FBXL17: variants seen among roughly 807,000 people sequenced by gnomAD.
FBXL17 encodes F-box/LRR-repeat protein 17.
FBXL17 carries 22 observed loss-of-function variants against 66.2 expected under a neutral mutation model. The observed-to-expected ratio is 0.33, with a 90% CI of 0.24 to 0.47. The LOEUF (loss-of-function observed/expected upper bound fraction) is 0.47, where lower values mean the gene tolerates loss of function less well. FBXL17 is among the 20% of genes least tolerant of loss of function. The pLI, the probability that FBXL17 is intolerant of heterozygous loss-of-function variation, is 1.00. For synonymous variants in FBXL17, 474 were observed against 400.5 expected (o/e 1.18, Z -2.19); for missense variants, 878 against 948.2 (o/e 0.93, Z 0.97).
At chr5:108,018,814 T>C (rs1374575474) in intron 7 of FBXL17, among the ~76,000 whole-genome samples, 1 of 152,144 alleles carries the variant, frequency 6.6e-6, no homozygotes, top group Non-Finnish European at 1.5e-5. Flanking sequence ...CAACTTTGCC[T>C]GACATTATCT....
At chr5:108,007,449 T>C (rs1321940043) in intron 7 of FBXL17, among the ~76,000 whole-genome samples, 2 of 152,172 alleles carry the variant, frequency 1.3e-5, no homozygotes, top group Non-Finnish European at 2.9e-5. Context: ...AGGTTGTAGA[T>C]TTAGATAGAA....
rs574019411 is a variant in FBXL17 at position 108,063,882 on chromosome 5, T to C, written c.1746-42881A>G. Among the ~76,000 whole-genome samples the C allele has an allele frequency of 3.9e-5, 6 of 152,322 alleles. 1 individual carries two copies. Among genetic ancestry groups the C allele is most frequent in the African/African-American group, 1.4e-4 (6 of 41,588 alleles). On this transcript the variant is annotated intron_variant, in intron 6 of 8. Transcript: ENST00000542267. ...AAAAAAATTTGCTTTGAATAAAATT[T>C]ATCATCTGCTGATGCATTATTTCTC... is the stretch of plus-strand genomic sequence containing the variant.
chr5:107,904,337 A>G (rs930424791), intron 7 of FBXL17, among the ~76,000 whole-genome samples: 6 of 152,074 alleles, frequency 3.9e-5, no homozygotes, highest in African/African-American at 1.4e-4. Flanking sequence ...CCTGTCTCCT[A>G]AATAACTCTA....
At chr5:108,365,276 A>T (rs918158620) in intron 2 of FBXL17, among the ~76,000 whole-genome samples, 4 of 152,080 alleles carry the variant, frequency 2.6e-5, no homozygotes, top group African/African-American at 9.7e-5. Flanking sequence ...CAAGCCCTTT[A>T]GACCATATCT....
intron 5 of FBXL17, among the ~76,000 whole-genome samples, chr5:108,217,320 T>TG (rs1754648250): frequency 2.6e-5 from 4 of 152,136 alleles, no homozygotes; most frequent in African/African-American, 4.8e-5. Flanking sequence ...CTCCCAGCAT[T>TG]ATCTCAGACA....
chr5:108,363,429 C>G (rs768422149), intron 3 of FBXL17, among the ~76,000 whole-genome samples: 7 of 151,838 alleles, frequency 4.6e-5, no homozygotes, highest in Non-Finnish European at 1.0e-4. Flanking sequence ...AAGAAGAAAA[C>G]TACCTAAGGG....
chr5:108,061,220 G>C (rs1280905906), intron 6 of FBXL17, among the ~76,000 whole-genome samples: 1 of 152,054 alleles, frequency 6.6e-6, no homozygotes, highest in Non-Finnish European at 1.5e-5. Context: ...CTGGGAGGCT[G>C]AGGTTGCAGT....
intron 4 of FBXL17, among the ~76,000 whole-genome samples, chr5:108,237,954 G>A (rs748037556): frequency 4.6e-5 from 7 of 152,242 alleles, no homozygotes; most frequent in Middle Eastern, 3.4e-3. Context: ...AAAATGGAAC[G>A]CAAGAAAATT....
intron 6 of FBXL17, among the ~76,000 whole-genome samples, chr5:108,079,365 G>GT (rs761445875): frequency 7.2e-5 from 11 of 152,052 alleles, no homozygotes; most frequent in South Asian, 2.1e-4. Flanking sequence ...TCTCTCAAGG[G>GT]TTTTTTTAGA....
chr5:108,240,161 CCTT>C (rs955776378), intron 4 of FBXL17, among the ~76,000 whole-genome samples: 6 of 152,080 alleles, frequency 3.9e-5, no homozygotes, highest in Non-Finnish European at 8.8e-5. Context: ...GAAAAAAACT[CCTT>C]CTACTTGAGA....
intron 7 of FBXL17, among the ~76,000 whole-genome samples, chr5:107,922,127 C>G (rs925863798): frequency 2.0e-5 from 3 of 152,140 alleles, no homozygotes; most frequent in African/African-American, 7.2e-5. Flanking sequence ...GACAGAAATA[C>G]CACGAGGCAT....
intron 4 of FBXL17, among the ~76,000 whole-genome samples, chr5:108,291,814 C>G (rs1758123415): frequency 6.6e-6 from 1 of 152,158 alleles, no homozygotes; most frequent in Non-Finnish European, 1.5e-5. Context: ...AGAAACCCAG[C>G]AGTCAGTCTT....
chr5:108,020,854 T>C (rs1234922551), intron 7 of FBXL17, 71 bp downstream of exon 7: 1 of 1,103,564 alleles, frequency 9.1e-7, no homozygotes, highest in Non-Finnish European at 1.4e-6. Flanking sequence ...CTTGATTTCT[T>C]TTTAAGAACT....
At chr5:107,997,921 G>A (rs1005985513) in intron 7 of FBXL17, among the ~76,000 whole-genome samples, 5 of 152,150 alleles carry the variant, frequency 3.3e-5, no homozygotes, top group Non-Finnish European at 5.9e-5. Context: ...ATTTTCTCAC[G>A]TTTCAATAAA....
chr5:108,119,904 G>C (rs1750416304), intron 6 of FBXL17, among the ~76,000 whole-genome samples: 1 of 152,204 alleles, frequency 6.6e-6, no homozygotes, highest in Admixed American at 6.5e-5. Flanking sequence ...ACAACCAGTG[G>C]TATCTGATGG....
chr5:107,939,378 G>C (rs957479125), intron 7 of FBXL17, among the ~76,000 whole-genome samples: 1 of 151,984 alleles, frequency 6.6e-6, no homozygotes, highest in African/African-American at 2.4e-5. Flanking sequence ...GTAAATAAGT[G>C]ACCTCTTTAT....
chr5:108,100,494 A>G (rs1037143067), intron 6 of FBXL17, among the ~76,000 whole-genome samples: 2 of 152,162 alleles, frequency 1.3e-5, no homozygotes, highest in Non-Finnish European at 2.9e-5. Flanking sequence ...GTATTTCAAC[A>G]TGTATTTCTA....
chr5:107,868,769 G>A (rs151273895), intron 8 of FBXL17, among the ~76,000 whole-genome samples: 1 of 152,356 alleles, frequency 6.6e-6, no homozygotes, highest in African/African-American at 2.4e-5. Flanking sequence ...GCTGGAAAGG[G>A]CTTTCCAAAT....
chr5:107,873,103 C>G (rs1748510212), intron 8 of FBXL17, among the ~76,000 whole-genome samples: 1 of 152,216 alleles, frequency 6.6e-6, no homozygotes. Flanking sequence ...GTAAGGAAAA[C>G]TGTTCCTGGA....
Sources: gnomAD v4.1 joint callset for allele counts (sites outside exome capture counted in the v4.1 genomes callset) on GRCh38, gnomAD v4.1.1 for gene constraint, MANE v1.5 for transcripts, NCBI Gene and HGNC (gene_info 2026-07-23, HGNC 2026-07-21) for gene names.